SNX24: variants seen among roughly 807,000 people sequenced by gnomAD.
SNX24 encodes the protein sorting nexin-24.
SNX24 carries 22 observed loss-of-function variants against 28.7 expected under a neutral mutation model. The observed-to-expected ratio is 0.77, with a 90% CI of 0.55 to 1.10. The LOEUF (loss-of-function observed/expected upper bound fraction) is 1.10. Ranked by LOEUF, SNX24 falls within the 50% of genes least tolerant of loss-of-function variation. SNX24 has a pLI of 0.00. For synonymous variants in SNX24, 69 were observed against 71.5 expected (o/e 0.96, Z 0.18); for missense variants, 221 against 201.1 (o/e 1.10, Z -0.60).
intron 1 of SNX24, among the ~76,000 whole-genome samples, chr5:122,934,016 C>T (rs1759080206): frequency 6.6e-6 from 1 of 151,994 alleles, no homozygotes; most frequent in Non-Finnish European, 1.5e-5. Context: ...CTCCTGACCT[C>T]AGGTGATACG....
intron 1 of SNX24, among the ~76,000 whole-genome samples, chr5:122,934,390 C>T (rs780989865): frequency 3.9e-5 from 6 of 152,122 alleles, no homozygotes; most frequent in African/African-American, 1.2e-4. Context: ...AACAGAGTCT[C>T]GCTCGGTTGC....
At chr5:122,909,253 T>C (rs189011954) in intron 1 of SNX24, among the ~76,000 whole-genome samples, 58 of 152,322 alleles carry the variant, frequency 3.8e-4, no homozygotes, top group Non-Finnish European at 7.5e-4. Context: ...TAAATGAGTT[T>C]ATTGTCATTG....
At chr5:122,924,413 G>A (rs1320692326) in intron 1 of SNX24, among the ~76,000 whole-genome samples, 2 of 152,146 alleles carry the variant, frequency 1.3e-5, no homozygotes, top group East Asian at 1.9e-4. Context: ...ATGGGTGGGG[G>A]TGCAGACATC....
In SNX24 at chr5:122,884,454, C is replaced by G. The variant is rs977196408; in HGVS notation, c.60+38761C>G. Among the ~76,000 whole-genome samples, 19 of 151,640 alleles carry G rather than the reference C, an allele frequency of 1.3e-4. No homozygotes were observed. The South Asian group carries it at 1.5e-3, about 12-fold the overall frequency. Reference sequence around the variant, plus strand: ...TAAAGGTGGGGTTTCACCATGCTGGCCAGGCTGGAGGCTCTTGAACTCCTG... The same window carrying G: ...TAAAGGTGGGGTTTCACCATGCTGGGCAGGCTGGAGGCTCTTGAACTCCTG... On this transcript the variant is annotated intron_variant, in intron 1 of 6. Coordinates refer to ENST00000261369, the MANE Select transcript of SNX24 (RefSeq NM_014035.4).
chr5:122,869,564 ATAT>A (rs1277147763), intron 1 of SNX24, among the ~76,000 whole-genome samples: 2 of 152,244 alleles, frequency 1.3e-5, no homozygotes, highest in Admixed American at 6.5e-5. Flanking sequence ...TAACTTTTAA[ATAT>A]TATCCTGAAA....
chr5:122,970,072 C>T (rs762383902), intron 3 of SNX24, among the ~76,000 whole-genome samples: 6 of 151,732 alleles, frequency 4.0e-5, no homozygotes, highest in African/African-American at 9.7e-5. Context: ...TGTTTGTCCT[C>T]GCCGCTGCCG....
At chr5:122,858,003 G>A (rs1202689581) in intron 1 of SNX24, among the ~76,000 whole-genome samples, 2 of 152,028 alleles carry the variant, frequency 1.3e-5, no homozygotes, top group East Asian at 3.9e-4. Flanking sequence ...GGCTGGTCTC[G>A]AACTCCTGAC....
intron 3 of SNX24, among the ~76,000 whole-genome samples, chr5:122,956,525 C>A (rs30072): frequency 0.77 from 116,987 of 152,038 alleles, 45,878 homozygotes; most frequent in East Asian, 0.99. Flanking sequence ...TCTTAGAGAT[C>A]CTGCTTTTGA....
chr5:122,848,342 C>T (rs1010691755), intron 1 of SNX24, among the ~76,000 whole-genome samples: 1 of 151,960 alleles, frequency 6.6e-6, no homozygotes, highest in African/African-American at 2.4e-5. Context: ...GGGATCCTCC[C>T]ACCTTGACCT....
At chr5:122,969,253 G>A (rs1009387180) in intron 3 of SNX24, among the ~76,000 whole-genome samples, 1 of 152,086 alleles carries the variant, frequency 6.6e-6, no homozygotes. Context: ...TCTTGCTTGT[G>A]GGGTGTAAGT....
At chr5:122,915,635 A>T (rs537453312) in intron 1 of SNX24, among the ~76,000 whole-genome samples, 11 of 152,314 alleles carry the variant, frequency 7.2e-5, no homozygotes, top group African/African-American at 2.4e-4. Flanking sequence ...GTTTAAAAAA[A>T]AAATTTTTTT....
chr5:122,937,792 G>A (rs994298194), intron 2 of SNX24, among the ~76,000 whole-genome samples: 1 of 152,156 alleles, frequency 6.6e-6, no homozygotes, highest in Non-Finnish European at 1.5e-5. Context: ...CACAGATTTA[G>A]ACCAGATGTT....
In SNX24 at chr5:123,002,007, A is replaced by T. The variant is rs766914654; in HGVS notation, c.442+3A>T. The T allele has an allele frequency of 6.2e-7, 1 of 1,612,448 alleles. No individual in the cohort carries two copies. The highest frequency in any genetic ancestry group is 1.7e-5 in the Admixed American group (1 of 60,016). ...ATATGTCTTGCCTGCAGCCAGCGGT[A>T]ATCAAACCTGTCATCTGCTAACAGC... On this transcript the variant is annotated splice_donor_region_variant and intron_variant, in intron 6 of 6. Coordinates refer to ENST00000261369, the MANE Select transcript of SNX24 (RefSeq NM_014035.4).
chr5:122,890,423 A>G (rs1181788443), intron 1 of SNX24, among the ~76,000 whole-genome samples: 3 of 147,312 alleles, frequency 2.0e-5, no homozygotes, highest in African/African-American at 7.5e-5. Flanking sequence ...ATGATTATCT[A>G]CCTCCATCAT....
At chr5:122,940,787 G>A (rs1404218166) in intron 2 of SNX24, among the ~76,000 whole-genome samples, 1 of 152,096 alleles carries the variant, frequency 6.6e-6, no homozygotes, top group African/African-American at 2.4e-5. Context: ...TGGCCAGGCT[G>A]GTCTCGAACT....
chr5:122,975,467 C>G (rs1285266664), intron 3 of SNX24, among the ~76,000 whole-genome samples: 5 of 151,730 alleles, frequency 3.3e-5, no homozygotes, highest in African/African-American at 1.2e-4. Flanking sequence ...ATTATATTCT[C>G]TACATTGATA....
At chr5:122,890,165 A>G (rs1756905175) in intron 1 of SNX24, among the ~76,000 whole-genome samples, 1 of 152,168 alleles carries the variant, frequency 6.6e-6, no homozygotes, top group Non-Finnish European at 1.5e-5. Context: ...TTCTTGGGGT[A>G]TCACATTCAG....
downstream of SNX24, among the ~76,000 whole-genome samples, chr5:123,011,185 A>G (rs771165266): frequency 6.6e-6 from 1 of 152,092 alleles, no homozygotes; most frequent in Non-Finnish European, 1.5e-5. Context: ...AAGGACAGAG[A>G]AAGGAAACCA....
At chr5:122,943,727 C>A (rs1759562041) in intron 2 of SNX24, among the ~76,000 whole-genome samples, 1 of 152,174 alleles carries the variant, frequency 6.6e-6, no homozygotes, top group Admixed American at 6.5e-5. Flanking sequence ...GACCATCATA[C>A]AATACACAAT....
Sources: gnomAD v4.1 joint callset for allele counts (sites outside exome capture counted in the v4.1 genomes callset) on GRCh38, gnomAD v4.1.1 for gene constraint, MANE v1.5 for transcripts, NCBI Gene and HGNC (gene_info 2026-07-23, HGNC 2026-07-21) for gene names.